The following RFX3 variants were observed in gnomAD, a reference collection of about 807,000 sequenced individuals.
RFX3 encodes transcription factor RFX3.
Under a neutral mutation model 98.6 loss-of-function variants are expected in RFX3, and 14 were observed. The observed-to-expected ratio is 0.14, with a 90% confidence interval of 0.09 to 0.22. The LOEUF is 0.22. Among genes scored for constraint, RFX3 ranks in the 10% least tolerant of loss-of-function variants. RFX3 has a pLI of 1.00. For missense variants in RFX3, 639 were observed against 926.9 expected (o/e 0.69, Z 4.03); for synonymous variants, 383 against 328.4 (o/e 1.17, Z -1.80).
At chr9:3,439,092 C>T (rs1351732045) in intron 1 of RFX3, among the ~76,000 whole-genome samples, 1 of 150,908 alleles carries the variant, frequency 6.6e-6, no homozygotes, top group Non-Finnish European at 1.5e-5. Flanking sequence ...AAAGAAGAAA[C>T]AAAAACGGGG....
chr9:3,370,001 T>TTTC (rs1354094381), intron 2 of RFX3, among the ~76,000 whole-genome samples: 4 of 103,364 alleles, frequency 3.9e-5, no homozygotes, highest in African/African-American at 1.4e-4. Flanking sequence ...GCTAATTTTT[T>TTTC]TTTTTTTTTT....
chr9:3,399,492 T>C (rs1036618359), intron 1 of RFX3, among the ~76,000 whole-genome samples: 33 of 151,916 alleles, frequency 2.2e-4, no homozygotes, highest in African/African-American at 8.0e-4. Flanking sequence ...TCTTGAAACA[T>C]CTGAAAATTT....
At chr9:3,418,530 C>G (rs1163109190) in intron 1 of RFX3, among the ~76,000 whole-genome samples, 1 of 152,004 alleles carries the variant, frequency 6.6e-6, no homozygotes, top group Non-Finnish European at 1.5e-5. Context: ...CAGGCACCCA[C>G]CACCATGCCC....
intron 1 of RFX3, among the ~76,000 whole-genome samples, chr9:3,522,338 A>C (rs1263049665): frequency 6.6e-6 from 1 of 152,230 alleles, no homozygotes; most frequent in Non-Finnish European, 1.5e-5. Context: ...CCAAAGAGTT[A>C]AAGGCAAATT....
intron 1 of RFX3, among the ~76,000 whole-genome samples, chr9:3,496,625 C>T (rs1851127663): frequency 6.6e-6 from 1 of 151,952 alleles, no homozygotes; most frequent in Non-Finnish European, 1.5e-5. Context: ...ACGCTTATCT[C>T]ATTTTCCCTT....
At chr9:3,291,467 C>T (rs1237317414) in intron 6 of RFX3, among the ~76,000 whole-genome samples, 1 of 151,982 alleles carries the variant, frequency 6.6e-6, no homozygotes, top group African/African-American at 2.4e-5. Flanking sequence ...AGATTAGAAC[C>T]ATTAGATCAT....
At chr9:3,377,393 A>G (rs568501678) in intron 2 of RFX3, among the ~76,000 whole-genome samples, 28 of 152,264 alleles carry the variant, frequency 1.8e-4, no homozygotes, top group African/African-American at 6.5e-4. Flanking sequence ...GAATTGAACA[A>G]TGAGAACACT....
rs189450491 is a variant in RFX3 at position 3,494,943 on chromosome 9, T to C, written c.-9+30804A>G. 1.4e-4 allele frequency among the ~76,000 whole-genome samples: 21 copies of C among 152,094 alleles called. No homozygotes were observed. In the East Asian group the frequency reaches 3.7e-3, roughly 27 times the overall value. ...ACAGTTTGCATAAAAGATTTTGGTGTTAAAAGGCCTTACCAATAGTGAGAG... is the reference window on the plus strand; with the variant it reads ...ACAGTTTGCATAAAAGATTTTGGTGCTAAAAGGCCTTACCAATAGTGAGAG... On this transcript the variant is annotated intron_variant, in intron 1 of 16. Transcript: ENST00000617270.
At chr9:3,410,862 T>G (rs143134924) in intron 1 of RFX3, among the ~76,000 whole-genome samples, 23 of 152,338 alleles carry the variant, frequency 1.5e-4, no homozygotes, top group African/African-American at 5.5e-4. Context: ...AATCATCTGA[T>G]GCATACTATT....
Position 3,506,208 on chromosome 9 carries a change from T to G in RFX3, c.-9+19539A>C, listed in dbSNP as rs532737358. On this transcript the variant is annotated intron_variant, in intron 1 of 16. Coordinates refer to ENST00000617270, the MANE Select transcript of RFX3 (RefSeq NM_001282116.2). Reference sequence around the variant, plus strand: ...GATAGATTTATGAAGGACAACTGTTTTTTTTTTTTTAAAAAAAAAGGTTTT... The same window carrying G: ...GATAGATTTATGAAGGACAACTGTTGTTTTTTTTTTAAAAAAAAAGGTTTT... Among the ~76,000 whole-genome samples the G allele has an allele frequency of 2.1e-3, 317 of 151,362 alleles. 1 individual carries two copies. The highest frequency in any genetic ancestry group is 4.5e-3 in the Admixed American group (68 of 15,142).
At position 3,224,266 on chromosome 9, in the gene RFX3, C is replaced by G. The variant is rs548309401; in HGVS notation, c.*776G>C. On this transcript the variant is annotated 3_prime_UTR_variant, in exon 17 of 17. Coordinates refer to ENST00000617270, the MANE Select transcript of RFX3 (RefSeq NM_001282116.2). ...TGCATCTGTGCAGTGGTCCCAAATA[C>G]AGAATCAGTAGTCTTTAAACAGAGG... The G allele has an allele frequency of 6.6e-6, 1 of 151,974 alleles. No homozygotes were observed. The highest frequency in any genetic ancestry group is 1.5e-5 in the Non-Finnish European group (1 of 68,000). 9.4% of individuals were successfully genotyped at this position (151,974 alleles called of 1,614,324 possible).
At chr9:3,468,076 G>C (rs374704649) in intron 1 of RFX3, among the ~76,000 whole-genome samples, 1 of 152,162 alleles carries the variant, frequency 6.6e-6, no homozygotes. Context: ...TTCCAGAAAC[G>C]ATGCCTCAAG....
At chr9:3,378,644 C>A (rs1290376107) in intron 2 of RFX3, among the ~76,000 whole-genome samples, 1 of 149,240 alleles carries the variant, frequency 6.7e-6, no homozygotes, top group East Asian at 2.0e-4. Flanking sequence ...GCAACCTCTG[C>A]CTCCCGGGTT....
intron 11 of RFX3, 106 bp downstream of exon 11, chr9:3,270,265 T>C: frequency 8.2e-7 from 1 of 1,213,438 alleles, no homozygotes. Flanking sequence ...ATCTGGCAAA[T>C]CTAAATGAAA....
intron 13 of RFX3, among the ~76,000 whole-genome samples, chr9:3,258,202 G>C (rs1822386220): frequency 6.6e-6 from 1 of 152,072 alleles, no homozygotes; most frequent in Non-Finnish European, 1.5e-5. Flanking sequence ...AAAATTTTAA[G>C]CTGGGTTCAT....
At chr9:3,345,623 C>T (rs2991321) in intron 3 of RFX3, among the ~76,000 whole-genome samples, 1 of 151,894 alleles carries the variant, frequency 6.6e-6, no homozygotes, top group Non-Finnish European at 1.5e-5. Context: ...TTCTCCTTCC[C>T]CTTCCATGGT....
At chr9:3,302,711 GC>G (rs1450721889) in intron 4 of RFX3, among the ~76,000 whole-genome samples, 1 of 151,534 alleles carries the variant, frequency 6.6e-6, no homozygotes. Flanking sequence ...TTAACATACT[GC>G]CCCCTCCCAA....
chr9:3,320,356 C>A (rs1199154985), intron 4 of RFX3, among the ~76,000 whole-genome samples: 1 of 151,932 alleles, frequency 6.6e-6, no homozygotes, highest in East Asian at 1.9e-4. Flanking sequence ...AGTTTGAGAC[C>A]AGCCTGGCCA....
chr9:3,494,412 C>T (rs1222917517), intron 1 of RFX3, among the ~76,000 whole-genome samples: 1 of 152,096 alleles, frequency 6.6e-6, no homozygotes, highest in Non-Finnish European at 1.5e-5. Flanking sequence ...CACTCTTTCC[C>T]TCCCCACCAA....
Sources: gnomAD v4.1 joint callset for allele counts (sites outside exome capture counted in the v4.1 genomes callset) on GRCh38, gnomAD v4.1.1 for gene constraint, MANE v1.5 for transcripts, NCBI Gene and HGNC (gene_info 2026-07-23, HGNC 2026-07-21) for gene names.